Variants in TMEM30A observed in about 807,000 individuals in gnomAD.
The protein encoded by TMEM30A is cell division cycle 50 P4-ATPase accessory subunit A.
TMEM30A carries 24 observed loss-of-function variants against 38.2 expected under a neutral mutation model. That is an observed-to-expected ratio of 0.63 (90% CI 0.46 to 0.88). The LOEUF is 0.88. Ranked by LOEUF, TMEM30A falls within the 40% of genes least tolerant of loss-of-function variation. The probability of loss-of-function intolerance (pLI) is 0.00; values close to 1 mark genes in which losing one functional copy is unlikely to be tolerated. For synonymous variants in TMEM30A, 145 were observed against 161.6 expected, an observed-to-expected ratio of 0.90 and a Z score of 0.78; for missense variants, 370 against 458.6, an observed-to-expected ratio of 0.81 and a Z score of 1.77.
chr6:75,273,939 CTAGGCA>C (rs1772217097), intron 1 of TMEM30A, among the ~76,000 whole-genome samples: 4 of 152,180 alleles, frequency 2.6e-5, no homozygotes, highest in Non-Finnish European at 5.9e-5. Context: ...CTATTAGGTG[CTAGGCA>C]CTGTCTACAG....
At position 75,274,884 on chromosome 6, in the gene TMEM30A, G is replaced by A. The variant is rs377552748; in HGVS notation, c.238-7136C>T. ...AAATTAGCCAGGCCTGGTGGCGGGC[G>A]CCTGTAGTCCCAGCTACTCAGGAGG... is the stretch of plus-strand genomic sequence containing the variant. On this transcript the variant is annotated intron_variant, in intron 1 of 6. Transcript: ENST00000230461. Among the ~76,000 whole-genome samples the A allele has an allele frequency of 7.9e-3, 1,206 of 152,152 alleles. 15 individuals are homozygous for A. The highest frequency in any genetic ancestry group is 0.028 in the African/African-American group (1,142 of 41,510).
rs559143074 is a variant in TMEM30A at position 75,271,254 on chromosome 6, T to C, written c.238-3506A>G. Among the ~76,000 whole-genome samples, 6 of 152,314 alleles carry C rather than the reference T, an allele frequency of 3.9e-5. No individual in the cohort carries two copies. In the East Asian group the frequency reaches 1.2e-3, roughly 29 times the overall value. Reference sequence around the variant, plus strand: ...ATCTGCAAGAGAAATCATATTCTTTTTTTAACTGAACAAAAATAATCTGAT... The same window carrying C: ...ATCTGCAAGAGAAATCATATTCTTTCTTTAACTGAACAAAAATAATCTGAT... On this transcript the variant is annotated intron_variant, in intron 1 of 6. Transcript: ENST00000230461.
intron 3 of TMEM30A, among the ~76,000 whole-genome samples, chr6:75,263,494 A>G (rs1450565433): frequency 6.6e-6 from 1 of 152,214 alleles, no homozygotes; most frequent in East Asian, 1.9e-4. Flanking sequence ...AGTGACTTGG[A>G]ACAAAAAAAT....
rs1166395474 is a variant in TMEM30A, at chr6:75,267,672, G to C, written c.314C>G (p.Thr105Ser). 6.2e-7 allele frequency: 1 copy of C among 1,611,630 alleles called. No homozygotes were observed. Among genetic ancestry groups the C allele is most frequent in the South Asian group, 1.1e-5 (1 of 90,672 alleles). Residue 105 changes from threonine to serine, a missense_variant, in exon 2 of 7, where the codon ACC (threonine) becomes AGC (serine). Coordinates refer to ENST00000230461, the MANE Select transcript of TMEM30A (RefSeq NM_018247.4). ...TGACTTTTCCAGTGTGAAGTTAATG[G>C]TACAAAAGCAAGGTGTCACATCCGG... ...LSPDVTPCFC[T>S]INFTLEKSFE...
At chr6:75,267,558 A>T (rs1772090032) in intron 2 of TMEM30A, 83 bp downstream of exon 2, 1 of 941,626 alleles carries the variant, frequency 1.1e-6, no homozygotes, top group African/African-American at 1.7e-5. Context: ...TATAAAAGGA[A>T]AATACCTTGT....
intron 1 of TMEM30A, among the ~76,000 whole-genome samples, chr6:75,275,134 C>T (rs111331167): frequency 1.3e-5 from 2 of 152,118 alleles, no homozygotes; most frequent in African/African-American, 4.8e-5. Context: ...TGTTTTTGTC[C>T]TACCTCACTG....
chr6:75,265,529 T>C (rs1285935786), intron 2 of TMEM30A, among the ~76,000 whole-genome samples, 191 bp from the exon 3 acceptor site: 1 of 152,164 alleles, frequency 6.6e-6, no homozygotes, highest in Admixed American at 6.5e-5. Flanking sequence ...GAAGGTATGT[T>C]ACAAAAAGCC....
chr6:75,270,968 C>T (rs1772157925), intron 1 of TMEM30A, among the ~76,000 whole-genome samples: 1 of 152,190 alleles, frequency 6.6e-6, no homozygotes, highest in South Asian at 2.1e-4. Context: ...TTTCATTAGA[C>T]CTGTTGGGCC....
At chr6:75,268,218 C>G (rs753819302) in intron 1 of TMEM30A, among the ~76,000 whole-genome samples, 5 of 152,166 alleles carry the variant, frequency 3.3e-5, no homozygotes, top group Non-Finnish European at 5.9e-5. Context: ...CTGAATTTGT[C>G]TTTGTCTTGG....
chr6:75,265,763 C>G (rs1443057679), intron 2 of TMEM30A, among the ~76,000 whole-genome samples: 1 of 152,078 alleles, frequency 6.6e-6, no homozygotes, highest in Non-Finnish European at 1.5e-5. Flanking sequence ...GCTATGTTGC[C>G]CAGGCTGGCC....
intron 1 of TMEM30A, among the ~76,000 whole-genome samples, chr6:75,275,513 A>G (rs781039232): frequency 1.7e-4 from 26 of 152,120 alleles, no homozygotes; most frequent in Non-Finnish European, 3.2e-4. Context: ...TTTTCCTACA[A>G]TCTTCCCCAT....
chr6:75,258,233 C>T (rs1771901385), intron 6 of TMEM30A, among the ~76,000 whole-genome samples: 1 of 152,164 alleles, frequency 6.6e-6, no homozygotes, highest in African/African-American at 2.4e-5. Flanking sequence ...GGAAAATACT[C>T]AGCACAGTGT....
intron 1 of TMEM30A, among the ~76,000 whole-genome samples, chr6:75,282,433 A>G (rs1311267518): frequency 6.6e-6 from 1 of 152,240 alleles, no homozygotes. Context: ...TTTATACTAT[A>G]GTAAATACTA....
At chr6:75,263,962 A>T (rs1175892193) in intron 3 of TMEM30A, among the ~76,000 whole-genome samples, 1 of 152,214 alleles carries the variant, frequency 6.6e-6, no homozygotes, top group African/African-American at 2.4e-5. Context: ...CACTATCTAT[A>T]ATCCCTAAAA....
At chr6:75,283,307 ATGTGTGTGTGTG>A (rs10545744) in intron 1 of TMEM30A, among the ~76,000 whole-genome samples, 216 of 148,540 alleles carry the variant, frequency 1.5e-3, no homozygotes, top group African/African-American at 5.1e-3. Flanking sequence ...ATTTATTAAA[ATGTGTGTGTGTG>A]TGTGTGTGTG....
At chr6:75,272,505 G>A (rs562941141) in intron 1 of TMEM30A, 13 of 152,238 alleles carry the variant, frequency 8.5e-5, no homozygotes. Flanking sequence ...TCGGGTATCA[G>A]TTTAAAACTG....
intron 1 of TMEM30A, among the ~76,000 whole-genome samples, chr6:75,278,235 T>C (rs1772294421): frequency 6.6e-6 from 1 of 152,232 alleles, no homozygotes; most frequent in African/African-American, 2.4e-5. Flanking sequence ...CTCATCCTGA[T>C]GACATACCAT....
chr6:75,259,527 C>A, intron 4 of TMEM30A, 37 bp from the exon 5 acceptor site: 1 of 1,541,104 alleles, frequency 6.5e-7, no homozygotes, highest in South Asian at 1.3e-5. Context: ...CTAACTATCT[C>A]TTGAAAACTC....
At chr6:75,277,612 T>TA (rs200302672) in intron 1 of TMEM30A, among the ~76,000 whole-genome samples, 6 of 151,846 alleles carry the variant, frequency 4.0e-5, no homozygotes, top group South Asian at 4.2e-4. Context: ...CTATTTTTTT[T>TA]AAAAAAAGGC....
Sources: allele counts gnomAD v4.1 joint callset (sites outside exome capture counted in the v4.1 genomes callset), GRCh38; gene constraint gnomAD v4.1.1; transcripts MANE v1.5; gene names NCBI Gene and HGNC (gene_info 2026-07-23, HGNC 2026-07-21).